Variants in KDM4B observed in about 807,000 individuals in gnomAD.
KDM4B encodes the protein lysine demethylase 4B, also known as lysine-specific demethylase 4B.
KDM4B carries 32 observed loss-of-function variants against 125.2 expected under a neutral mutation model. The ratio of observed to expected loss-of-function variants is 0.26; its 90% CI spans 0.19 to 0.34. The LOEUF is 0.34. Ranked by LOEUF, KDM4B falls within the 10% of genes least tolerant of loss-of-function variation. The pLI is 1.00. For missense variants in KDM4B, 1,190 were observed against 1,577.7 expected (o/e 0.75, Z 4.16); for synonymous variants, 721 against 677.9 (o/e 1.06, Z -0.99).
intron 6 of KDM4B, among the ~76,000 whole-genome samples, chr19:5,062,385 G>A (rs1431435923): frequency 1.3e-5 from 2 of 152,242 alleles, no homozygotes; most frequent in African/African-American, 4.8e-5. Context: ...CCTGCTGCTG[G>A]CGACTACGTG....
intron 1 of KDM4B, among the ~76,000 whole-genome samples, chr19:5,012,491 G>A (rs751514817): frequency 2.6e-4 from 39 of 151,472 alleles, no homozygotes; most frequent in Non-Finnish European, 8.8e-5. Context: ...AGGATCCTTC[G>A]TGGCCCGTGG....
chr19:5,035,880 T>TGTGTGTGTACGCGC lies in KDM4B; in HGVS notation c.141+2850_141+2851insTGTGTGTACGCGCG, dbSNP rs58219404. 7.3e-6 allele frequency among the ~76,000 whole-genome samples: 1 copy of TGTGTGTGTACGCGC among 136,400 alleles called. No individual in the cohort carries two copies. Among genetic ancestry groups the TGTGTGTGTACGCGC allele is most frequent in the Non-Finnish European group, 1.6e-5 (1 of 62,354 alleles). 89.5% of individuals were successfully genotyped at this position (136,400 alleles called of 152,430 possible). On this transcript the variant is annotated intron_variant, in intron 3 of 22. Coordinates refer to ENST00000159111, the MANE Select transcript of KDM4B (RefSeq NM_015015.3). The surrounding 1 kb of genome is among the most constrained non-coding windows in gnomAD (Gnocchi z 5.3). Reference sequence around the variant, plus strand: ...ACGTGTCTCTGTGTGTGTGTGTGTGTGCGCGCGCGCGCGCGCCTGCGCGCA... The same window carrying TGTGTGTGTACGCGC: ...ACGTGTCTCTGTGTGTGTGTGTGTGTGTGTGTGTACGCGCGCGCGCGCGCGCGCGCCTGCGCGCA...
chr19:5,143,884 G>A (rs2039789489), intron 18 of KDM4B, 83 bp from the exon 19 acceptor site: 1 of 1,132,990 alleles, frequency 8.8e-7, no homozygotes, highest in Non-Finnish European at 1.3e-6. Context: ...CTTGAAGGCT[G>A]TGCCGGGAGG....
Position 5,142,133 on chromosome 19 carries a change from G to A in KDM4B, c.2551-1834G>A, listed in dbSNP as rs928668532. ...CTCTGCAGACCTCTGAAGCCCACCCGCGTCGTCCTCACAGCCCTGTGGCCT... is the reference window on the plus strand; with the variant it reads ...CTCTGCAGACCTCTGAAGCCCACCCACGTCGTCCTCACAGCCCTGTGGCCT... On this transcript the variant is annotated intron_variant, in intron 18 of 22. Coordinates refer to ENST00000159111, the MANE Select transcript of KDM4B (RefSeq NM_015015.3). This position sits in a 1 kb window ranked among gnomAD's most constrained non-coding sequence, Gnocchi z 5.4. 1.6e-4 allele frequency among the ~76,000 whole-genome samples: 24 copies of A among 152,264 alleles called. No homozygotes were observed. Among genetic ancestry groups the A allele is most frequent in the South Asian group, 4.1e-4 (2 of 4,830 alleles).
chr19:5,090,929 G>A (rs980831664), intron 9 of KDM4B, among the ~76,000 whole-genome samples: 1 of 152,030 alleles, frequency 6.6e-6, no homozygotes, highest in Middle Eastern at 3.2e-3. Context: ...CCCGGTGGGG[G>A]CAGCTGGAGG....
intron 4 of KDM4B, among the ~76,000 whole-genome samples, chr19:5,040,328 G>A (rs2036767389): frequency 6.6e-6 from 1 of 152,164 alleles, no homozygotes; most frequent in Non-Finnish European, 1.5e-5. Context: ...CCCCTCCTCA[G>A]AGAGGGCTCC....
At chr19:5,057,065 T>TGTGCGCGC (rs55806859) in intron 6 of KDM4B, among the ~76,000 whole-genome samples, 33 of 128,398 alleles carry the variant, frequency 2.6e-4, no homozygotes, top group African/African-American at 8.9e-4. Flanking sequence ...TGTGTGTGTG[T>TGTGCGCGC]GCGCGCGCGC....
At chr19:4,982,556 T>C (rs2034680262) in intron 1 of KDM4B, among the ~76,000 whole-genome samples, 1 of 152,110 alleles carries the variant, frequency 6.6e-6, no homozygotes, top group African/African-American at 2.4e-5. Context: ...TATTTCTATG[T>C]TTTTAATGGC....
At chr19:4,969,792 C>T (rs1236220536) in intron 1 of KDM4B, among the ~76,000 whole-genome samples, 2 of 151,618 alleles carry the variant, frequency 1.3e-5, no homozygotes, top group Non-Finnish European at 2.9e-5. Flanking sequence ...CTGCACTGCC[C>T]CCACCTCCGG....
chr19:5,003,027 CTG>C (rs902663909), intron 1 of KDM4B, among the ~76,000 whole-genome samples: 2 of 152,230 alleles, frequency 1.3e-5, no homozygotes, highest in South Asian at 2.1e-4. Context: ...CTTTCCGTCT[CTG>C]GGGCTGGAGA....
At chr19:5,022,038 C>T (rs2036138812) in intron 2 of KDM4B, among the ~76,000 whole-genome samples, 1 of 152,178 alleles carries the variant, frequency 6.6e-6, no homozygotes, top group African/African-American at 2.4e-5. Context: ...TTGTTTTCTC[C>T]TCTGCAGTTT....
At chr19:5,151,235 C>T (rs2039941595) in intron 22 of KDM4B, 100 bp from the exon 23 acceptor site, 1 of 1,064,948 alleles carries the variant, frequency 9.4e-7, no homozygotes, top group Non-Finnish European at 1.2e-6. Flanking sequence ...GCAATCAGGG[C>T]TCTGTGTCCA....
chr19:5,019,157 TTGGTGTGCAGGTGC>T (rs1265144024), intron 2 of KDM4B, among the ~76,000 whole-genome samples: 14 of 149,724 alleles, frequency 9.4e-5, no homozygotes. Context: ...GGTGTGGGTG[TTGGTGTGCAGGTGC>T]TGGTGTGGGT....
At chr19:5,073,891 A>G (rs867766789) in intron 7 of KDM4B, among the ~76,000 whole-genome samples, 10 of 152,292 alleles carry the variant, frequency 6.6e-5, no homozygotes, top group Middle Eastern at 3.4e-3. Context: ...CTGACGTCAG[A>G]GGATTGCTTG....
chr19:4,987,985 C>G (rs2034898434), intron 1 of KDM4B, among the ~76,000 whole-genome samples: 1 of 152,232 alleles, frequency 6.6e-6, no homozygotes, highest in Non-Finnish European at 1.5e-5. Context: ...TCGGCCACTT[C>G]CTGCACAGCG....
Position 5,082,040 on chromosome 19 carries a change from C to G in KDM4B, c.781-327C>G, listed in dbSNP as rs1375246636. Among the ~76,000 whole-genome samples, 1 of 152,230 alleles carries G rather than the reference C, an allele frequency of 6.6e-6. No individual in the cohort carries two copies. Among genetic ancestry groups the G allele is most frequent in the Non-Finnish European group, 1.5e-5 (1 of 68,044 alleles). ...ACACCCCCACGGGCATTGTGTCCAGCCACGGCTCCATCTGCGGTTCTCCCA... is the reference window on the plus strand; with the variant it reads ...ACACCCCCACGGGCATTGTGTCCAGGCACGGCTCCATCTGCGGTTCTCCCA... On this transcript the variant is annotated intron_variant, in intron 8 of 22. Coordinates refer to ENST00000159111, the MANE Select transcript of KDM4B (RefSeq NM_015015.3). The surrounding 1 kb of genome is among the most constrained non-coding windows in gnomAD (Gnocchi z 5.4).
chr19:5,146,546 C>T (rs1466284195), intron 21 of KDM4B, among the ~76,000 whole-genome samples: 2 of 152,300 alleles, frequency 1.3e-5, no homozygotes, highest in South Asian at 2.1e-4. Flanking sequence ...AGGGCAAGGT[C>T]GATTTGCACC....
chr19:4,987,650 T>G (rs567953352), intron 1 of KDM4B, among the ~76,000 whole-genome samples: 38 of 152,304 alleles, frequency 2.5e-4, no homozygotes, highest in Non-Finnish European at 4.0e-4. Flanking sequence ...GAGGGGCTTG[T>G]CCGGGATGGC....
chr19:5,115,867 T>C lies in KDM4B; in HGVS notation c.1116-3786T>C, dbSNP rs1011918261. Among the ~76,000 whole-genome samples, 4 of 151,826 alleles carry C rather than the reference T, an allele frequency of 2.6e-5. No individual in the cohort carries two copies. Among genetic ancestry groups the C allele is most frequent in the East Asian group, 3.9e-4 (2 of 5,182 alleles). On this transcript the variant is annotated intron_variant, in intron 10 of 22. Coordinates refer to ENST00000159111, the MANE Select transcript of KDM4B (RefSeq NM_015015.3). This position sits in a 1 kb window ranked among gnomAD's most constrained non-coding sequence, Gnocchi z 4.2. ...AGCACTGACAGACAGAGCTGGAAGATAGGAAGGATCAGGAAGTCAGAGGCG... is the reference window on the plus strand; with the variant it reads ...AGCACTGACAGACAGAGCTGGAAGACAGGAAGGATCAGGAAGTCAGAGGCG...
Sources: gnomAD v4.1 joint callset for allele counts (sites outside exome capture counted in the v4.1 genomes callset) on GRCh38, gnomAD v4.1.1 for gene constraint, Gnocchi (gnomAD v3.1) non-coding constraint, MANE v1.5 for transcripts, NCBI Gene and HGNC (gene_info 2026-07-23, HGNC 2026-07-21) for gene names.